The following MFHAS1 variants were observed in gnomAD, a reference collection of about 807,000 sequenced individuals.
MFHAS1 encodes malignant fibrous histiocytoma-amplified sequence 1.
MFHAS1 carries 50 observed loss-of-function variants against 70.4 expected under a neutral mutation model. The observed-to-expected ratio is 0.71, with a 90% CI of 0.57 to 0.90. The LOEUF is 0.90. MFHAS1 is among the 40% of genes least tolerant of loss of function. MFHAS1 has a pLI of 0.00. For missense variants in MFHAS1, 1,795 were observed against 1,347.6 expected, an observed-to-expected ratio of 1.33 and a Z score of -5.20; for synonymous variants, 952 against 620.0, an observed-to-expected ratio of 1.54 and a Z score of -7.96.
Position 8,892,925 on chromosome 8 carries a change from G to C in MFHAS1, c.134C>G (p.Ala45Gly). 6.4e-7 allele frequency: 1 copy of C among 1,550,848 alleles called. No homozygotes were observed. The highest frequency in any genetic ancestry group is 8.7e-7 in the Non-Finnish European group (1 of 1,151,400). ...GGAGGCGGGGGACTCGAGCGCGTCG[G>C]CCCCGGCCCCGGGGCAGGCCCCGGC... ...TAAGACPGAG[A>G]DALESPASPQ... The change falls in exon 1 of 3, where the codon GCC (alanine) becomes GGC (glycine). Residue 45 changes from alanine (A) to glycine (G), a missense_variant. Physicochemically the swap from Ala to Gly is moderately conservative, Grantham distance 60. Coordinates refer to ENST00000276282, the MANE Select transcript of MFHAS1 (RefSeq NM_004225.3). This position sits in a 1 kb window ranked among gnomAD's most constrained non-coding sequence, Gnocchi z 4.7.
chr8:8,841,196 C>T (rs916903592), intron 1 of MFHAS1, among the ~76,000 whole-genome samples: 3 of 152,104 alleles, frequency 2.0e-5, no homozygotes, highest in South Asian at 2.1e-4. Context: ...CTTTTTGGGT[C>T]GGGCGTGGTG....
At position 8,891,166 on chromosome 8, in the gene MFHAS1, G is replaced by A. The variant is rs1810007292; in HGVS notation, c.1893C>T (p.Asp631=). ...LSPVLPVSCR[D]PRHLRRLRDK... The stretch of plus-strand genomic sequence containing the variant: ...CCCGAAGGCGTCGTAAGTGGCGCGG[G>A]TCCCTGCAGCTAACAGGCAACACGG... Residue 631 remains aspartate (D), a synonymous_variant, in exon 1 of 3, where the codon GAC becomes GAT. Coordinates refer to ENST00000276282, the MANE Select transcript of MFHAS1 (RefSeq NM_004225.3). The surrounding 1 kb of genome is among the most constrained non-coding windows in gnomAD (Gnocchi z 5.4). 1 of 1,613,448 alleles carries A rather than the reference G, an allele frequency of 6.2e-7. No homozygotes were observed. Among genetic ancestry groups the A allele is most frequent in the Non-Finnish European group, 8.5e-7 (1 of 1,180,034 alleles).
At chr8:8,814,844 A>C (rs1272183151) in intron 1 of MFHAS1, among the ~76,000 whole-genome samples, 1 of 125,450 alleles carries the variant, frequency 8.0e-6, no homozygotes, top group Non-Finnish European at 1.6e-5. Context: ...TGCCTGCTAG[A>C]ATTTCTTTTT....
chr8:8,873,820 T>G (rs749948623), intron 1 of MFHAS1, among the ~76,000 whole-genome samples: 1 of 152,222 alleles, frequency 6.6e-6, no homozygotes, highest in South Asian at 2.1e-4. Flanking sequence ...TTATATTTCA[T>G]TGATTTCTTA....
chr8:8,859,324 A>G (rs1254306922), intron 1 of MFHAS1, among the ~76,000 whole-genome samples: 1 of 152,184 alleles, frequency 6.6e-6, no homozygotes, highest in Non-Finnish European at 1.5e-5. Context: ...AGCCTGGGTG[A>G]CAGAGCAAGA....
At chr8:8,886,447 C>A (rs977669965) in intron 1 of MFHAS1, among the ~76,000 whole-genome samples, 3 of 152,054 alleles carry the variant, frequency 2.0e-5, no homozygotes, top group Admixed American at 6.6e-5. Flanking sequence ...GGATTACAGC[C>A]CTGAGCCACT....
At chr8:8,803,431 C>A (rs775186762) in intron 1 of MFHAS1, among the ~76,000 whole-genome samples, 7 of 151,130 alleles carry the variant, frequency 4.6e-5, no homozygotes, top group Non-Finnish European at 7.4e-5. Flanking sequence ...GCAGAAGAAT[C>A]GCTTGAACCC....
Position 8,892,084 on chromosome 8 carries a change from C to G in MFHAS1, c.975G>C (p.Trp325Cys). The G allele has an allele frequency of 2.5e-6, 4 of 1,613,498 alleles. No homozygotes were observed. Among genetic ancestry groups the G allele is most frequent in the Non-Finnish European group, 3.4e-6 (4 of 1,180,038 alleles). The change falls in exon 1 of 3, where the codon TGG becomes TGC. Residue 325 changes from tryptophan (W) to cysteine (C), a missense_variant. Physicochemically the swap from Trp to Cys is radical, Grantham distance 215 (BLOSUM62 -2). Transcript: ENST00000276282. The surrounding 1 kb of genome is among the most constrained non-coding windows in gnomAD (Gnocchi z 4.7). Reference protein sequence around the residue: ...ISGLGRLLTLWLDNNRIRYLP... With the variant: ...ISGLGRLLTLCLDNNRIRYLP... ...GGTAGCGGATGCGGTTATTATCCAG[C>G]CACAAGGTGAGAAGCCGGCCCAGGC... is the stretch of plus-strand genomic sequence containing the variant.
intron 1 of MFHAS1, among the ~76,000 whole-genome samples, chr8:8,830,167 G>A (rs1397429957): frequency 1.8e-4 from 27 of 152,156 alleles, no homozygotes; most frequent in Non-Finnish European, 5.9e-5. Flanking sequence ...CACCTCTGGC[G>A]TGGGGAGCCA....
chr8:8,810,503 C>T (rs1380103746), intron 1 of MFHAS1, among the ~76,000 whole-genome samples: 6 of 152,206 alleles, frequency 3.9e-5, no homozygotes. Context: ...TCCTCTTCCT[C>T]CTCCTCAGCT....
At chr8:8,797,954 C>G (rs1169072482) in intron 1 of MFHAS1, among the ~76,000 whole-genome samples, 1 of 152,196 alleles carries the variant, frequency 6.6e-6, no homozygotes, top group East Asian at 1.9e-4. Flanking sequence ...TCTGGAAACA[C>G]AGCAGACTAA....
chr8:8,829,614 G>T (rs1021992612), intron 1 of MFHAS1, among the ~76,000 whole-genome samples: 1 of 152,204 alleles, frequency 6.6e-6, no homozygotes, highest in Admixed American at 6.5e-5. Context: ...CCAGTAGGTG[G>T]AGGTTGCAGT....
intron 2 of MFHAS1, among the ~76,000 whole-genome samples, chr8:8,787,317 T>C (rs920582249): frequency 6.6e-6 from 1 of 152,154 alleles, no homozygotes; most frequent in Non-Finnish European, 1.5e-5. Flanking sequence ...CCTGACCTCA[T>C]GATCCGCCCA....
intron 1 of MFHAS1, among the ~76,000 whole-genome samples, chr8:8,798,482 C>A (rs557462455): frequency 6.6e-4 from 101 of 152,156 alleles, no homozygotes; most frequent in Non-Finnish European, 1.3e-3. Context: ...TGCAGCACCA[C>A]ATCTGGCTAA....
At chr8:8,886,180 A>C (rs975218776) in intron 1 of MFHAS1, among the ~76,000 whole-genome samples, 3 of 151,830 alleles carry the variant, frequency 2.0e-5, no homozygotes, top group African/African-American at 7.3e-5. Context: ...GCATTTTCCA[A>C]TCATTTCTTT....
rs541412765 is a variant in MFHAS1 at position 8,847,901 on chromosome 8, T to C, written c.2998+42160A>G. Among the ~76,000 whole-genome samples, 9 of 152,334 alleles carry C rather than the reference T, an allele frequency of 5.9e-5. No individual in the cohort carries two copies. In the South Asian group the frequency reaches 1.0e-3, roughly 18 times the overall value. ...CAACCTCAATTTCACACCACAGTTA[T>C]GCTTTAAAAAAAGATTTGTAAATAT... On this transcript the variant is annotated intron_variant, in intron 1 of 2. Coordinates refer to ENST00000276282, the MANE Select transcript of MFHAS1 (RefSeq NM_004225.3).
intron 1 of MFHAS1, among the ~76,000 whole-genome samples, chr8:8,887,995 G>A (rs1809836938): frequency 6.6e-6 from 1 of 152,058 alleles, no homozygotes; most frequent in African/African-American, 2.4e-5. Flanking sequence ...GATTAAGAAT[G>A]GCTTCAGGTT....
In MFHAS1 at chr8:8,807,411, C is replaced by T. The variant is rs911841765; in HGVS notation, c.2999-9920G>A. Among the ~76,000 whole-genome samples the T allele has an allele frequency of 3.9e-5, 6 of 152,290 alleles. No individual in the cohort carries two copies. The South Asian group carries it at 8.3e-4, about 21-fold the overall frequency. On this transcript the variant is annotated intron_variant, in intron 1 of 2. Transcript: ENST00000276282. The stretch of plus-strand genomic sequence containing the variant: ...GTCCATTCATTCTCCCTAATCCTCA[C>T]TTACTGCCTCTCAAAAGAGCTGTCT...
chr8:8,848,537 A>G (rs1285862322), intron 1 of MFHAS1, among the ~76,000 whole-genome samples: 1 of 152,242 alleles, frequency 6.6e-6, no homozygotes, highest in Non-Finnish European at 1.5e-5. Context: ...AAAACCCCTG[A>G]TCATTTAACT....
Sources: gnomAD v4.1 joint callset for allele counts (sites outside exome capture counted in the v4.1 genomes callset) on GRCh38, gnomAD v4.1.1 for gene constraint, Gnocchi (gnomAD v3.1) non-coding constraint, MANE v1.5 for transcripts, NCBI Gene and HGNC (gene_info 2026-07-23, HGNC 2026-07-21) for gene names.